The following CD200R1 variants were observed in gnomAD, a reference collection of about 807,000 sequenced individuals.
CD200R1 encodes the protein cell surface glycoprotein CD200 receptor 1.
A neutral mutation model predicts 38.1 loss-of-function variants in CD200R1; 30 were observed. The ratio of observed to expected loss-of-function variants is 0.79; its 90% CI spans 0.59 to 1.07. The LOEUF (loss-of-function observed/expected upper bound fraction) is 1.07, where lower values mean the gene tolerates loss of function less well. CD200R1 is among the 50% of genes least tolerant of loss of function. The probability of loss-of-function intolerance (pLI) is 0.00; values close to 1 mark genes in which losing one functional copy is unlikely to be tolerated. For synonymous variants in CD200R1, 128 were observed against 152.1 expected (o/e 0.84, Z 1.16); for missense variants, 372 against 415.4 (o/e 0.90, Z 0.91).
At chr3:112,967,369 C>A (rs77720467) in intron 1 of CD200R1, among the ~76,000 whole-genome samples, 1 of 152,168 alleles carries the variant, frequency 6.6e-6, no homozygotes, top group African/African-American at 2.4e-5. Flanking sequence ...CTTCTTACCT[C>A]GCTGTTTCTG....
At chr3:112,928,091 T>C (rs1435501486) in intron 5 of CD200R1, among the ~76,000 whole-genome samples, 1 of 152,190 alleles carries the variant, frequency 6.6e-6, no homozygotes, top group East Asian at 1.9e-4. Flanking sequence ...ACATAATGTC[T>C]AAATTTGATA....
At chr3:112,946,489 T>TA (rs1401543531) in intron 2 of CD200R1, among the ~76,000 whole-genome samples, 2 of 152,108 alleles carry the variant, frequency 1.3e-5, no homozygotes, top group East Asian at 3.9e-4. Flanking sequence ...ACAACCAGAT[T>TA]AAAAAACAGG....
chr3:112,962,963 C>A lies in CD200R1; in HGVS notation c.67+11828G>T, dbSNP rs922168951. On this transcript the variant is annotated intron_variant, in intron 1 of 7. Coordinates refer to ENST00000308611, the MANE Select transcript of CD200R1 (RefSeq NM_138806.4). Reference sequence around the variant, plus strand: ...TGTGGGAGGGACCTAGTAGGAGGCACTTGAATCATGGGGGCAGGTCTTTCC... The same window carrying A: ...TGTGGGAGGGACCTAGTAGGAGGCAATTGAATCATGGGGGCAGGTCTTTCC... Among the ~76,000 whole-genome samples, 5 of 152,306 alleles carry A rather than the reference C, an allele frequency of 3.3e-5. No individual in the cohort carries two copies. In the South Asian group the frequency reaches 6.2e-4, roughly 19 times the overall value.
At chr3:112,967,626 A>T (rs527813533) in intron 1 of CD200R1, among the ~76,000 whole-genome samples, 8 of 152,352 alleles carry the variant, frequency 5.3e-5, no homozygotes, top group African/African-American at 1.4e-4. Context: ...CTGATACATG[A>T]CAGACACTCT....
intron 3 of CD200R1, among the ~76,000 whole-genome samples, chr3:112,930,054 GA>G (rs1940388135): frequency 6.6e-6 from 1 of 150,666 alleles, no homozygotes; most frequent in Non-Finnish European, 1.5e-5. Flanking sequence ...GAACTAGCTA[GA>G]AATTTTTTTA....
At chr3:112,928,081 A>G (rs1381631959) in intron 5 of CD200R1, among the ~76,000 whole-genome samples, 1 of 152,236 alleles carries the variant, frequency 6.6e-6, no homozygotes, top group Non-Finnish European at 1.5e-5. Context: ...AGTTGTGATT[A>G]CATAATGTCT....
chr3:112,955,790 AT>A (rs34965649), intron 1 of CD200R1, among the ~76,000 whole-genome samples: 3,916 of 119,740 alleles, frequency 0.033, 136 homozygotes, highest in African/African-American at 0.099. Context: ...AGGGTTTTTC[AT>A]TTTTTTTTTT....
chr3:112,971,763 A>G lies in CD200R1; in HGVS notation c.67+3028T>C, dbSNP rs115501939. Reference sequence around the variant, plus strand: ...CCAAAATCCAGCCTTATTTCCTACTATTATTTAACACACAACCTCTGTTCC... The same window carrying G: ...CCAAAATCCAGCCTTATTTCCTACTGTTATTTAACACACAACCTCTGTTCC... On this transcript the variant is annotated intron_variant, in intron 1 of 7. Transcript: ENST00000308611. 5.7e-3 allele frequency among the ~76,000 whole-genome samples: 872 copies of G among 152,212 alleles called. 8 individuals carry two copies. Among genetic ancestry groups the G allele is most frequent in the African/African-American group, 0.019 (807 of 41,512 alleles).
At chr3:112,952,217 T>C (rs1940983971) in intron 1 of CD200R1, among the ~76,000 whole-genome samples, 1 of 152,168 alleles carries the variant, frequency 6.6e-6, no homozygotes, top group Non-Finnish European at 1.5e-5. Context: ...ATCTCCTTGG[T>C]TAAATTTATC....
intron 1 of CD200R1, among the ~76,000 whole-genome samples, chr3:112,961,561 G>C (rs983303531): frequency 4.6e-5 from 7 of 151,510 alleles, no homozygotes; most frequent in Admixed American, 2.0e-4. Context: ...AAAAGTTCCA[G>C]GCAAACTGAT....
intron 1 of CD200R1, among the ~76,000 whole-genome samples, chr3:112,972,824 C>A (rs186327121): frequency 3.9e-5 from 6 of 152,254 alleles, no homozygotes; most frequent in East Asian, 1.9e-4. Flanking sequence ...TTGTACAAAG[C>A]GAGTTCTTTC....
At chr3:112,957,254 A>T (rs1941120676) in intron 1 of CD200R1, among the ~76,000 whole-genome samples, 2 of 152,220 alleles carry the variant, frequency 1.3e-5, no homozygotes, top group African/African-American at 4.8e-5. Context: ...AGCTCTTGTT[A>T]AGGTATTTTC....
At chr3:112,940,748 TAA>T (rs1420477606) in intron 2 of CD200R1, among the ~76,000 whole-genome samples, 1 of 151,740 alleles carries the variant, frequency 6.6e-6, no homozygotes, top group Non-Finnish European at 1.5e-5. Context: ...TGGAAGTTCC[TAA>T]AAAAATTAGA....
At chr3:112,946,816 A>G (rs377756750) in intron 2 of CD200R1, among the ~76,000 whole-genome samples, 19 of 152,292 alleles carry the variant, frequency 1.2e-4, no homozygotes, top group East Asian at 9.6e-4. Context: ...ACTTACATCC[A>G]TACAAAAACC....
At chr3:112,948,569 A>C (rs930316259) in intron 1 of CD200R1, among the ~76,000 whole-genome samples, 2 of 152,190 alleles carry the variant, frequency 1.3e-5, no homozygotes, top group African/African-American at 4.8e-5. Context: ...TCCTGTGAGC[A>C]TCTAATGCCT....
intron 1 of CD200R1, among the ~76,000 whole-genome samples, chr3:112,969,194 C>T (rs1316067490): frequency 6.6e-6 from 1 of 151,808 alleles, no homozygotes; most frequent in Non-Finnish European, 1.5e-5. Context: ...TTAACTAGGG[C>T]TTTACAGAAG....
At chr3:112,959,419 A>T (rs529625471) in intron 1 of CD200R1, among the ~76,000 whole-genome samples, 1 of 152,232 alleles carries the variant, frequency 6.6e-6, no homozygotes, top group Non-Finnish European at 1.5e-5. Context: ...TATTAGCTGC[A>T]AAAGAGAACA....
At chr3:112,948,485 G>A (rs1329530568) in intron 1 of CD200R1, among the ~76,000 whole-genome samples, 1 of 152,180 alleles carries the variant, frequency 6.6e-6, no homozygotes, top group Non-Finnish European at 1.5e-5. Flanking sequence ...CAGATCATCA[G>A]GCATTAGTTC....
intron 2 of CD200R1, among the ~76,000 whole-genome samples, chr3:112,944,394 TCCATAGATA>T (rs1472766582): frequency 2.0e-5 from 3 of 151,998 alleles, no homozygotes; most frequent in Admixed American, 6.5e-5. Context: ...TATGATCATT[TCCATAGATA>T]CATAAAAAGC....
Sources: gnomAD v4.1 joint callset for allele counts (sites outside exome capture counted in the v4.1 genomes callset) on GRCh38, gnomAD v4.1.1 for gene constraint, MANE v1.5 for transcripts, NCBI Gene and HGNC (gene_info 2026-07-23, HGNC 2026-07-21) for gene names.